KLHDC10: variants seen among roughly 807,000 people sequenced by gnomAD.
The protein encoded by KLHDC10 is kelch domain containing 10.
Under a neutral mutation model 56.1 loss-of-function variants are expected in KLHDC10, and 24 were observed. The observed-to-expected ratio is 0.43, with a 90% CI of 0.31 to 0.60. KLHDC10 has a LOEUF of 0.60. KLHDC10 is among the 20% of genes least tolerant of loss of function. The probability of loss-of-function intolerance (pLI) is 0.11; values close to 1 mark genes in which losing one functional copy is unlikely to be tolerated. For synonymous variants in KLHDC10, 188 were observed against 207.1 expected, an observed-to-expected ratio of 0.91 and a Z score of 0.79; for missense variants, 349 against 567.0, an observed-to-expected ratio of 0.62 and a Z score of 3.91.
At chr7:130,104,053 A>C (rs1187983130) in intron 2 of KLHDC10, among the ~76,000 whole-genome samples, 5 of 152,126 alleles carry the variant, frequency 3.3e-5, no homozygotes, top group Non-Finnish European at 5.9e-5. Flanking sequence ...GTGCTACTGC[A>C]CTCCAGCCTG....
In KLHDC10 at chr7:130,130,509, G is replaced by A. The variant is rs751068272; in HGVS notation, c.1120-28G>A. The A allele has an allele frequency of 4.4e-6, 7 of 1,582,502 alleles. No individual in the cohort carries two copies. The highest frequency in any genetic ancestry group is 6.1e-6 in the Non-Finnish European group (7 of 1,151,430). Reference sequence around the variant, plus strand: ...AGCCTTGTATGTTTCTCTCCCGTTTGAATTTGTCCTCTTTTGACTACTCAT... The same window carrying A: ...AGCCTTGTATGTTTCTCTCCCGTTTAAATTTGTCCTCTTTTGACTACTCAT... On this transcript the variant is annotated intron_variant, in intron 9 of 9. Transcript: ENST00000335420. The surrounding 1 kb of genome is among the most constrained non-coding windows in gnomAD (Gnocchi z 4.2).
chr7:130,074,973 A>G (rs147590857), intron 1 of KLHDC10, among the ~76,000 whole-genome samples: 46 of 152,276 alleles, frequency 3.0e-4, no homozygotes, highest in African/African-American at 1.0e-3. Flanking sequence ...AGCACAAACA[A>G]TAGTTTGTGA....
intron 2 of KLHDC10, among the ~76,000 whole-genome samples, chr7:130,115,554 A>G (rs1003193973): frequency 5.9e-5 from 9 of 151,872 alleles, no homozygotes; most frequent in Admixed American, 5.3e-4. Context: ...TGTCTCTACT[A>G]AAAACACAAA....
At chr7:130,109,027 G>A (rs998383386) in intron 2 of KLHDC10, among the ~76,000 whole-genome samples, 3 of 151,868 alleles carry the variant, frequency 2.0e-5, no homozygotes, top group Non-Finnish European at 4.4e-5. Flanking sequence ...TGATTCTTCC[G>A]CCTCAGCCTC....
At position 130,093,071 on chromosome 7, in the gene KLHDC10, A is replaced by G. The variant is rs1292109217; in HGVS notation, c.167-3850A>G. On this transcript the variant is annotated intron_variant, in intron 1 of 9. Coordinates refer to ENST00000335420, the MANE Select transcript of KLHDC10 (RefSeq NM_014997.4). ...TTTAGGGGAAGGTGAGCTTGCTCACACTGTGCTCAGCCTACCATCTTAATT... is the reference window on the plus strand; with the variant it reads ...TTTAGGGGAAGGTGAGCTTGCTCACGCTGTGCTCAGCCTACCATCTTAATT... Among the ~76,000 whole-genome samples the G allele has an allele frequency of 2.6e-5, 4 of 151,590 alleles. No individual in the cohort carries two copies. The East Asian group carries it at 7.8e-4, about 29-fold the overall frequency.
rs1584643332 is a variant in KLHDC10 at position 130,130,968 on chromosome 7, TGCACATGTACTCACATA to T, written c.*223_*239del. On this transcript the variant is annotated 3_prime_UTR_variant, in exon 10 of 10. Coordinates refer to ENST00000335420, the MANE Select transcript of KLHDC10 (RefSeq NM_014997.4). The surrounding 1 kb of genome is among the most constrained non-coding windows in gnomAD (Gnocchi z 4.2). ...CTTCTGTTCCTCCTGACCCATTACA[TGCACATGTACTCACATA>T]CTCCCTCTTCCTTCTCGATGGAGTT... The T allele has an allele frequency of 1.1e-5, 6 of 532,668 alleles. No individual in the cohort carries two copies. In the East Asian group the frequency reaches 1.9e-4, roughly 17 times the overall value. 33.0% of individuals were successfully genotyped at this position (532,668 alleles called of 1,614,324 possible). A position where few individuals can be genotyped will look rare whatever the true frequency, so the allele number is the denominator to read the frequency against.
At position 130,118,396 on chromosome 7, in the gene KLHDC10, A is replaced by G. The variant is rs1796199798; in HGVS notation, c.475+1730A>G. ...CCTTACCTCTCCCCACCTTTATAGA[A>G]TCGAAGAGAGTCAGGGCCTTGCTCT... On this transcript the variant is annotated intron_variant, in intron 3 of 9. Coordinates refer to ENST00000335420, the MANE Select transcript of KLHDC10 (RefSeq NM_014997.4). 3.3e-5 allele frequency among the ~76,000 whole-genome samples: 5 copies of G among 152,122 alleles called. No individual in the cohort carries two copies. In the South Asian group the frequency reaches 1.0e-3, roughly 32 times the overall value.
intron 8 of KLHDC10, among the ~76,000 whole-genome samples, chr7:130,127,658 T>C (rs1475107476): frequency 6.6e-6 from 1 of 152,206 alleles, no homozygotes; most frequent in East Asian, 1.9e-4. Context: ...CTTCAGTTAT[T>C]AGAGAACTCA....
At chr7:130,090,182 A>G (rs1310854749) in intron 1 of KLHDC10, among the ~76,000 whole-genome samples, 1 of 152,114 alleles carries the variant, frequency 6.6e-6, no homozygotes, top group Non-Finnish European at 1.5e-5. Context: ...TAGAGATATC[A>G]TTTTTGAATG....
At chr7:130,077,990 C>T (rs907997230) in intron 1 of KLHDC10, among the ~76,000 whole-genome samples, 1 of 151,994 alleles carries the variant, frequency 6.6e-6, no homozygotes, top group African/African-American at 2.4e-5. Context: ...AGTTGTTTTT[C>T]TAGAGAATAA....
rs1490406535 is a variant in KLHDC10, at chr7:130,116,677, G to C, written c.475+11G>C. The C allele has an allele frequency of 1.2e-6, 2 of 1,604,230 alleles. No individual in the cohort carries two copies. The highest frequency in any genetic ancestry group is 1.8e-4 in the Middle Eastern group (1 of 5,700). On this transcript the variant is annotated intron_variant, in intron 3 of 9. Coordinates refer to ENST00000335420, the MANE Select transcript of KLHDC10 (RefSeq NM_014997.4). This position sits in a 1 kb window ranked among gnomAD's most constrained non-coding sequence, Gnocchi z 4.8. ...TGGCATCTATGTCACGTGAGTGCAA[G>C]CAGTTCGTAACTCCTGACTTTATGA...
At chr7:130,128,875 T>TAAAAAAAAAAAA (rs1164826285) in intron 8 of KLHDC10, among the ~76,000 whole-genome samples, 15 of 42,312 alleles carry the variant, frequency 3.5e-4, no homozygotes, top group Admixed American at 5.0e-4. Context: ...CCTTGTCTCT[T>TAAAAAAAAAAAA]AAAAAAAAAA....
Position 130,070,756 on chromosome 7 carries a change from G to A in KLHDC10, c.113G>A (p.Gly38Glu), listed in dbSNP as rs762872681. 1 of 1,302,698 alleles carries A rather than the reference G, an allele frequency of 7.7e-7. No individual in the cohort carries two copies. Among genetic ancestry groups the A allele is most frequent in the Non-Finnish European group, 9.8e-7 (1 of 1,023,262 alleles). The allele number at this position is 1,302,698 out of a possible 1,614,324, so 80.7% of individuals were successfully genotyped here. A position where few individuals can be genotyped will look rare whatever the true frequency, so the allele number is the denominator to read the frequency against. ...GGCAGTGGGGGCAGCGGGGGTCGGG[G>A]GACTGGCCAGCTCAACCGCTTCGTG... ...GGGSGGSGGR[G>E]TGQLNRFVQL... The change falls in exon 1 of 10, where the codon GGG (glycine) becomes GAG (glutamate). Residue 38 changes from glycine to glutamate, a missense_variant. Physicochemically the swap from Gly to Glu is moderately conservative, Grantham distance 98. Around this residue, in one of 2 missense-constraint regions of KLHDC10, gnomAD observed 104 missense variants for 97.0 expected, o/e 1.07. Transcript: ENST00000335420.
chr7:130,084,933 A>C (rs568025283), intron 1 of KLHDC10, among the ~76,000 whole-genome samples: 3 of 152,248 alleles, frequency 2.0e-5, no homozygotes, highest in African/African-American at 7.2e-5. Flanking sequence ...TTTGACCTCC[A>C]AGTAAGGATA....
At chr7:130,098,653 G>A (rs1795886535) in intron 2 of KLHDC10, among the ~76,000 whole-genome samples, 1 of 151,696 alleles carries the variant, frequency 6.6e-6, no homozygotes, top group Non-Finnish European at 1.5e-5. Flanking sequence ...GCTGAATAAA[G>A]CATAAATTAA....
chr7:130,089,736 T>C (rs986941780), intron 1 of KLHDC10, among the ~76,000 whole-genome samples: 1 of 152,218 alleles, frequency 6.6e-6, no homozygotes, highest in African/African-American at 2.4e-5. Flanking sequence ...TCTGTACAAC[T>C]GTGCAGCGAT....
chr7:130,071,545 A>G (rs1412090685), intron 1 of KLHDC10, among the ~76,000 whole-genome samples: 1 of 152,246 alleles, frequency 6.6e-6, no homozygotes, highest in Non-Finnish European at 1.5e-5. Context: ...CCTTGAGTTC[A>G]GATGCTTTTG....
In KLHDC10 at chr7:130,073,188, G is replaced by A. The variant is rs116813140; in HGVS notation, c.166+2379G>A. Among the ~76,000 whole-genome samples, 976 of 151,958 alleles carry A rather than the reference G, an allele frequency of 6.4e-3. 9 individuals carry two copies. The highest frequency in any genetic ancestry group is 0.022 in the African/African-American group (905 of 41,440). ...GTTCAAGGCCAGCCTGGGCAACAAA[G>A]CAAGACCACATCTCAAGTTAAAAAT... On this transcript the variant is annotated intron_variant, in intron 1 of 9. Transcript: ENST00000335420.
chr7:130,110,686 A>G (rs903522612), intron 2 of KLHDC10, among the ~76,000 whole-genome samples: 2 of 152,188 alleles, frequency 1.3e-5, no homozygotes, highest in African/African-American at 2.4e-5. Context: ...TTTGTGGTAG[A>G]GGTAATTGTG....
Sources: gnomAD v4.1 joint callset for allele counts (sites outside exome capture counted in the v4.1 genomes callset) on GRCh38, gnomAD v4.1.1 for gene constraint, gnomAD v4.1.1 regional missense constraint, Gnocchi (gnomAD v3.1) non-coding constraint, MANE v1.5 for transcripts, NCBI Gene and HGNC (gene_info 2026-07-23, HGNC 2026-07-21) for gene names.